NEGR1: variants seen among roughly 807,000 people sequenced by gnomAD.
The protein encoded by NEGR1 is neuronal growth regulator 1.
NEGR1 carries 10 observed loss-of-function variants against 40.9 expected under a neutral mutation model. The ratio of observed to expected loss-of-function variants is 0.24; its 90% CI spans 0.15 to 0.42. The LOEUF is 0.42. Among genes scored for constraint, NEGR1 ranks in the 10% least tolerant of loss-of-function variants. NEGR1 has a pLI of 1.00. For synonymous variants in NEGR1, 185 were observed against 166.8 expected (o/e 1.11, Z -0.84); for missense variants, 352 against 438.9 (o/e 0.80, Z 1.77).
chr1:71,812,056 TC>T (rs1388862639), intron 2 of NEGR1, among the ~76,000 whole-genome samples: 1 of 151,680 alleles, frequency 6.6e-6, no homozygotes, highest in Non-Finnish European at 1.5e-5. Flanking sequence ...CCTCCTGCTA[TC>T]CCCCAACAGG....
At chr1:71,759,390 C>A (rs1009110773) in intron 3 of NEGR1, among the ~76,000 whole-genome samples, 1 of 140,032 alleles carries the variant, frequency 7.1e-6, no homozygotes, top group Non-Finnish European at 1.5e-5. Flanking sequence ...CTCCGCTTCC[C>A]GGGTTCAAGT....
intron 1 of NEGR1, among the ~76,000 whole-genome samples, chr1:71,947,163 T>G (rs1240983301): frequency 6.7e-6 from 1 of 148,428 alleles, no homozygotes; most frequent in East Asian, 1.9e-4. Context: ...TAACTTTATA[T>G]AGTTAATATA....
intron 2 of NEGR1, among the ~76,000 whole-genome samples, chr1:71,850,576 C>T (rs1055975642): frequency 6.6e-6 from 1 of 152,118 alleles, no homozygotes; most frequent in African/African-American, 2.4e-5. Context: ...GAGTATGTAT[C>T]AGTGATTGTA....
At chr1:71,467,997 A>T (rs1193164968) in intron 6 of NEGR1, among the ~76,000 whole-genome samples, 1 of 152,026 alleles carries the variant, frequency 6.6e-6, no homozygotes, top group Admixed American at 6.6e-5. Context: ...TGGAAAACTT[A>T]CTTTATTCTC....
At chr1:71,451,425 C>T (rs1243107064) in intron 6 of NEGR1, among the ~76,000 whole-genome samples, 52 of 151,638 alleles carry the variant, frequency 3.4e-4, no homozygotes, top group Non-Finnish European at 4.4e-5. Flanking sequence ...CCTCCGCCTC[C>T]TGGGTTCAAG....
chr1:72,175,625 T>G (rs1652136567), intron 1 of NEGR1, among the ~76,000 whole-genome samples: 1 of 152,136 alleles, frequency 6.6e-6, no homozygotes, highest in Non-Finnish European at 1.5e-5. Context: ...AGTGATGATT[T>G]ATGTTGGAAA....
rs1253579026 is a variant in NEGR1, at chr1:71,845,104, AT to A, written c.410-68808del. Among the ~76,000 whole-genome samples, 6 of 152,344 alleles carry A rather than the reference AT, an allele frequency of 3.9e-5. No homozygotes were observed. In the South Asian group the frequency reaches 8.3e-4, roughly 21 times the overall value. On this transcript the variant is annotated intron_variant, in intron 2 of 6. Transcript: ENST00000357731. ...ACCAATCAGAAATTGTTCTTAATAA[AT>A]AATGACTTACATCATTTTAATTGCA...
chr1:72,053,372 C>T (rs1647079314), intron 1 of NEGR1, among the ~76,000 whole-genome samples: 1 of 149,550 alleles, frequency 6.7e-6, no homozygotes, highest in African/African-American at 2.4e-5. Flanking sequence ...TTTTTTTCAC[C>T]TAACAACAAG....
chr1:72,105,283 T>C (rs1448405688), intron 1 of NEGR1, among the ~76,000 whole-genome samples: 2 of 152,150 alleles, frequency 1.3e-5, no homozygotes, highest in African/African-American at 4.8e-5. Flanking sequence ...CAGATATACA[T>C]GAATTTTTAA....
intron 1 of NEGR1, among the ~76,000 whole-genome samples, chr1:72,225,724 G>T (rs1407717472): frequency 6.6e-6 from 1 of 151,316 alleles, no homozygotes; most frequent in Non-Finnish European, 1.5e-5. Flanking sequence ...AATCTATCCT[G>T]ATAAATAATT....
intron 1 of NEGR1, among the ~76,000 whole-genome samples, chr1:72,281,379 A>AGCGTGGAAGTGGTTCTTACC (rs1656241502): frequency 6.6e-6 from 1 of 152,162 alleles, no homozygotes; most frequent in African/African-American, 2.4e-5. Flanking sequence ...TGGTTCTTAC[A>AGCGTGGAAGTGGTTCTTACC]GCATGGAAGT....
At chr1:72,276,099 AAAAAG>A (rs1314337290) in intron 1 of NEGR1, among the ~76,000 whole-genome samples, 15 of 152,136 alleles carry the variant, frequency 9.9e-5, no homozygotes, top group East Asian at 3.9e-4. Context: ...TCCATCTCAG[AAAAAG>A]AAAAGAAAAG....
At chr1:71,814,185 A>G (rs1260296314) in intron 2 of NEGR1, among the ~76,000 whole-genome samples, 2 of 152,088 alleles carry the variant, frequency 1.3e-5, no homozygotes, top group Non-Finnish European at 2.9e-5. Context: ...TGTTGAGATA[A>G]TCATGCGGTT....
At chr1:72,062,052 T>A (rs1195365715) in intron 1 of NEGR1, among the ~76,000 whole-genome samples, 1 of 151,880 alleles carries the variant, frequency 6.6e-6, no homozygotes, top group Non-Finnish European at 1.5e-5. Context: ...CTTTATTGCA[T>A]CAGGAATAAA....
rs186977396 is a variant in NEGR1 at position 72,255,495 on chromosome 1, A to G, written c.176+26824T>C. Among the ~76,000 whole-genome samples, 257 of 151,894 alleles carry G rather than the reference A, an allele frequency of 1.7e-3. 1 individual carries two copies. The highest frequency in any genetic ancestry group is 5.9e-3 in the African/African-American group (244 of 41,468). On this transcript the variant is annotated intron_variant, in intron 1 of 6. Coordinates refer to ENST00000357731, the MANE Select transcript of NEGR1 (RefSeq NM_173808.3). ...TGATATACTCTGACCCTTGTGTGGT[A>G]CTTAAGATTTACTTATTTAAGAATG... is the stretch of plus-strand genomic sequence containing the variant.
At chr1:71,703,615 G>A (rs533599984) in intron 3 of NEGR1, among the ~76,000 whole-genome samples, 1 of 151,520 alleles carries the variant, frequency 6.6e-6, no homozygotes, top group South Asian at 2.1e-4. Flanking sequence ...ATGACACAAC[G>A]TTATTTACAC....
chr1:71,559,940 TCCTAGTCTC>T (rs1161148228), intron 6 of NEGR1, among the ~76,000 whole-genome samples: 2 of 151,460 alleles, frequency 1.3e-5, no homozygotes, highest in Non-Finnish European at 3.0e-5. Context: ...CCTTACTTTC[TCCTAGTCTC>T]CCTTTGCCAA....
intron 6 of NEGR1, among the ~76,000 whole-genome samples, chr1:71,508,384 G>T (rs999093046): frequency 6.6e-6 from 1 of 152,116 alleles, no homozygotes; most frequent in Non-Finnish European, 1.5e-5. Flanking sequence ...AACCCCTAAA[G>T]TTAACTTTGA....
intron 1 of NEGR1, among the ~76,000 whole-genome samples, chr1:71,947,860 A>G (rs895199995): frequency 2.6e-5 from 4 of 152,094 alleles, no homozygotes; most frequent in South Asian, 2.1e-4. Flanking sequence ...GTCATCATGT[A>G]CCTAAGTGTA....
Sources: gnomAD v4.1 joint callset for allele counts (sites outside exome capture counted in the v4.1 genomes callset) on GRCh38, gnomAD v4.1.1 for gene constraint, MANE v1.5 for transcripts, NCBI Gene and HGNC (gene_info 2026-07-23, HGNC 2026-07-21) for gene names.